The following NCOR1 variants were observed in gnomAD, a reference collection of about 807,000 sequenced individuals.
NCOR1 encodes nuclear receptor corepressor 1.
Under a neutral mutation model 288.1 loss-of-function variants are expected in NCOR1, and 63 were observed. The observed-to-expected ratio is 0.22, with a 90% confidence interval of 0.18 to 0.27. The LOEUF (loss-of-function observed/expected upper bound fraction) is 0.27. NCOR1 is among the 10% of genes least tolerant of loss of function. The pLI is 1.00. For missense variants in NCOR1, 2,397 were observed against 3,019.2 expected, an observed-to-expected ratio of 0.79 and a Z score of 4.83; for synonymous variants, 1,007 against 1,065.9, an observed-to-expected ratio of 0.94 and a Z score of 1.08.
chr17:16,149,274 C>T (rs2078493114), intron 9 of NCOR1, among the ~76,000 whole-genome samples, 177 bp downstream of exon 9: 1 of 139,562 alleles, frequency 7.2e-6, no homozygotes, highest in South Asian at 2.2e-4. Context: ...CAAAATGTTA[C>T]TAGAATTAGA....
chr17:16,080,711 T>C lies in NCOR1; in HGVS notation c.3194A>G (p.Tyr1065Cys), dbSNP rs2063260451. 1 of 1,613,156 alleles carries C rather than the reference T, an allele frequency of 6.2e-7. No homozygotes were observed. The highest frequency in any genetic ancestry group is 1.7e-5 in the Admixed American group (1 of 59,958). Residue 1065 changes from tyrosine (Y) to cysteine (C), a missense_variant, in exon 24 of 46, where the codon TAT (tyrosine) becomes TGT (cysteine). Tyr to Cys is a radical substitution (Grantham distance 194). Around this residue, in one of 11 missense-constraint regions of NCOR1, gnomAD observed 1,872 missense variants for 2,187.8 expected, o/e 0.86. Transcript: ENST00000268712. ...GGAAGCCTGATTATGAGAAGTCAAA[T>C]AAGTGCCTGGTGTTCCCTAAGAAAA... is the stretch of plus-strand genomic sequence containing the variant. ...GSISQGTPGT[Y>C]LTSHNQASYT...
intron 14 of NCOR1, among the ~76,000 whole-genome samples, chr17:16,129,834 T>C (rs1448522310): frequency 1.3e-5 from 2 of 152,218 alleles, no homozygotes; most frequent in South Asian, 2.1e-4. Flanking sequence ...TAGAGTTGGG[T>C]AACACATGCT....
At chr17:16,088,311 T>C (rs1177620780) in intron 22 of NCOR1, among the ~76,000 whole-genome samples, 2 of 152,182 alleles carry the variant, frequency 1.3e-5, no homozygotes, top group Non-Finnish European at 2.9e-5. Context: ...GATAGTTCCA[T>C]CCCTTGCTTG....
intron 22 of NCOR1, among the ~76,000 whole-genome samples, chr17:16,088,126 C>T (rs1002506970): frequency 2.0e-5 from 3 of 151,996 alleles, no homozygotes; most frequent in African/African-American, 7.2e-5. Context: ...ATTTTCATTA[C>T]CTAGTTGTAT....
Position 16,039,465 on chromosome 17 carries a change from C to T in NCOR1, c.6923G>A (p.Arg2308Gln), listed in dbSNP as rs202234006. The change falls in exon 44 of 46, where the codon CGA becomes CAA. Residue 2308 changes from arginine to glutamine, a missense_variant. By Grantham distance (43) the Arg-to-Gln change is conservative. Coordinates refer to ENST00000268712, the MANE Select transcript of NCOR1 (RefSeq NM_006311.4). Reference protein sequence around the residue: ...NTSVVTSGETRREEGDPSPHS... With the variant: ...NTSVVTSGETQREEGDPSPHS... ...AGGTGATGGGTCCCCTTCCTCTCTT[C>T]GTGTCTCACCACTGGTCACAACTGA... 2.9e-5 allele frequency: 47 copies of T among 1,614,066 alleles called. 1 individual carries two copies. Among genetic ancestry groups the T allele is most frequent in the Admixed American group, 1.8e-4 (11 of 60,030 alleles).
chr17:16,143,513 C>A (rs1039795802), intron 11 of NCOR1, 93 bp downstream of exon 11: 1 of 941,684 alleles, frequency 1.1e-6, no homozygotes, highest in Admixed American at 2.3e-5. Flanking sequence ...CAATTAAGTT[C>A]CCACATTTAC....
At chr17:16,044,385 AAAC>A in intron 42 of NCOR1, 1 of 471,216 alleles carries the variant, frequency 2.1e-6, no homozygotes, top group Non-Finnish European at 4.4e-6. Context: ...ACACAGATCT[AAAC>A]AAACATCCAC....
chr17:16,114,143 CA>C (rs71353770), intron 18 of NCOR1, among the ~76,000 whole-genome samples: 128 of 17,734 alleles, frequency 7.2e-3, no homozygotes, highest in African/African-American at 0.017. Context: ...TGGCGGCAGG[CA>C]AAAAAAAAAA....
intron 18 of NCOR1, among the ~76,000 whole-genome samples, chr17:16,116,889 C>A (rs1339377398): frequency 6.6e-6 from 1 of 152,178 alleles, no homozygotes; most frequent in Admixed American, 6.5e-5. Context: ...GTACTAGCAC[C>A]GTTTGGTTCC....
chr17:16,194,904 C>T (rs2089424312), intron 1 of NCOR1, among the ~76,000 whole-genome samples: 1 of 152,110 alleles, frequency 6.6e-6, no homozygotes, highest in Non-Finnish European at 1.5e-5. Flanking sequence ...AGATCTGGCA[C>T]ATAATAACTG....
In NCOR1 at chr17:16,126,192, G is replaced by T; in HGVS notation, c.1524C>A (p.Pro508=). ...TTTCTTCTACTTTTTCTTCTTGCGAGGGTCGAGCAATTTGCTGCTAGAATG... is the reference window on the plus strand; with the variant it reads ...TTTCTTCTACTTTTTCTTCTTGCGATGGTCGAGCAATTTGCTGCTAGAATG... ...RRGRNQQIAR[P]SQEEKVEEKE... is the part of the protein sequence containing the mutation. Residue 508 remains proline, a synonymous_variant, in exon 15 of 46, where the codon CCC becomes CCA. Transcript: ENST00000268712. The T allele has an allele frequency of 6.6e-7, 1 of 1,522,196 alleles. No homozygotes were observed. Among genetic ancestry groups the T allele is most frequent in the Non-Finnish European group, 8.8e-7 (1 of 1,140,454 alleles). 94.3% of individuals were successfully genotyped at this position (1,522,196 alleles called of 1,614,324 possible). A position where few individuals can be genotyped will look rare whatever the true frequency, so the allele number is the denominator to read the frequency against.
intron 42 of NCOR1, chr17:16,044,475 G>A (rs1421049824): frequency 2.1e-6 from 1 of 474,120 alleles, no homozygotes; most frequent in East Asian, 6.9e-5. Context: ...GTAGATCACA[G>A]AAATAAAGCA....
intron 40 of NCOR1, among the ~76,000 whole-genome samples, chr17:16,054,429 G>A (rs2059685125): frequency 6.6e-6 from 1 of 152,180 alleles, no homozygotes; most frequent in Non-Finnish European, 1.5e-5. Flanking sequence ...CAGCTACTTG[G>A]GAAGCTGATG....
chr17:16,039,978 T>C, intron 43 of NCOR1: 1 of 385,674 alleles, frequency 2.6e-6, no homozygotes, highest in Non-Finnish European at 4.9e-6. Flanking sequence ...TTTTAGGAGA[T>C]GGGGTTTCAC....
intron 10 of NCOR1, among the ~76,000 whole-genome samples, chr17:16,145,784 G>A (rs769418680): frequency 3.3e-5 from 5 of 152,170 alleles, no homozygotes; most frequent in East Asian, 1.9e-4. Context: ...CCGCTGCCCC[G>A]TCTGGGAGGT....
chr17:16,176,361 T>C (rs1193422093), intron 3 of NCOR1, among the ~76,000 whole-genome samples: 1 of 152,134 alleles, frequency 6.6e-6, no homozygotes, highest in Non-Finnish European at 1.5e-5. Context: ...CTCCACCTCC[T>C]GGGTTCAAGA....
intron 42 of NCOR1, among the ~76,000 whole-genome samples, chr17:16,043,919 C>G (rs1439797844): frequency 6.6e-6 from 1 of 152,094 alleles, no homozygotes; most frequent in Non-Finnish European, 1.5e-5. Context: ...CCTGTAATCC[C>G]AACACTTTGG....
In NCOR1 at chr17:16,138,188, A is replaced by G; in HGVS notation, c.1377T>C (p.Phe459=). Residue 459 remains phenylalanine (F), a synonymous_variant, in exon 13 of 46, where the codon TTT becomes TTC. Coordinates refer to ENST00000268712, the MANE Select transcript of NCOR1 (RefSeq NM_006311.4). The stretch of plus-strand genomic sequence containing the variant: ...TCTCCAAGTATGATGCAATTAGTCC[A>G]AAGTTTTTTGGATGCTGGATAAACC... The part of the protein sequence containing the change: ...KDKFIQHPKN[F]GLIASYLERK... 1 of 1,613,712 alleles carries G rather than the reference A, an allele frequency of 6.2e-7. No individual in the cohort carries two copies. The highest frequency in any genetic ancestry group is 8.5e-7 in the Non-Finnish European group (1 of 1,179,662).
At chr17:16,200,128 C>CA (rs1271267516) in intron 1 of NCOR1, among the ~76,000 whole-genome samples, 1 of 151,924 alleles carries the variant, frequency 6.6e-6, no homozygotes. Context: ...TTTTGGCCCA[C>CA]AATTTTTGCA....
Sources: gnomAD v4.1 joint callset for allele counts (sites outside exome capture counted in the v4.1 genomes callset) on GRCh38, gnomAD v4.1.1 for gene constraint, gnomAD v4.1.1 regional missense constraint, MANE v1.5 for transcripts, NCBI Gene and HGNC (gene_info 2026-07-23, HGNC 2026-07-21) for gene names.